Variants in LRFN5 observed in about 807,000 individuals in gnomAD.
LRFN5 encodes leucine rich repeat and fibronectin type III domain containing 5.
Under a neutral mutation model 45.6 loss-of-function variants are expected in LRFN5, and 24 were observed. The observed-to-expected ratio is 0.53, with a 90% confidence interval of 0.38 to 0.74. The LOEUF is 0.74. LRFN5 is among the 30% of genes least tolerant of loss of function. The probability of loss-of-function intolerance (pLI) is 0.00; values close to 1 mark genes in which losing one functional copy is unlikely to be tolerated. For synonymous variants in LRFN5, 340 were observed against 313.8 expected (o/e 1.08, Z -0.88); for missense variants, 776 against 861.5 (o/e 0.90, Z 1.24).
At chr14:41,875,056 G>T (rs55918411) in intron 2 of LRFN5, among the ~76,000 whole-genome samples, 26,095 of 152,174 alleles carry the variant, frequency 0.17, 2,754 homozygotes, top group Middle Eastern at 0.26. Flanking sequence ...ATTGAGATGA[G>T]ATTTGGGTGG....
chr14:41,820,898 G>T (rs1177517533), intron 2 of LRFN5, among the ~76,000 whole-genome samples: 3 of 151,978 alleles, frequency 2.0e-5, no homozygotes, highest in Non-Finnish European at 4.4e-5. Context: ...CAGAGTTATT[G>T]ATTTAGTTCT....
intron 2 of LRFN5, among the ~76,000 whole-genome samples, chr14:41,819,960 T>TTG (rs1555322873): frequency 6.0e-4 from 6 of 9,974 alleles, no homozygotes; most frequent in South Asian, 5.4e-3. Context: ...GGGTTATTTG[T>TTG]TTTTTTTTTT....
At chr14:41,734,672 G>A (rs966652098) in intron 1 of LRFN5, among the ~76,000 whole-genome samples, 2 of 151,322 alleles carry the variant, frequency 1.3e-5, no homozygotes, top group Admixed American at 1.3e-4. Flanking sequence ...CAAAGTAATT[G>A]CTGATGGGTA....
intron 1 of LRFN5, among the ~76,000 whole-genome samples, chr14:41,751,148 A>G (rs1330712425): frequency 1.1e-4 from 16 of 152,232 alleles, no homozygotes; most frequent in East Asian, 7.8e-4. Context: ...CCAATGATCA[A>G]TCACCTCCCA....
At chr14:41,713,928 A>G (rs1315523431) in intron 1 of LRFN5, among the ~76,000 whole-genome samples, 2 of 152,168 alleles carry the variant, frequency 1.3e-5, no homozygotes, top group Non-Finnish European at 1.5e-5. Flanking sequence ...TCATGCCTGT[A>G]TTTCTTGTAG....
intron 2 of LRFN5, among the ~76,000 whole-genome samples, chr14:41,773,470 T>C (rs1246401337): frequency 6.6e-6 from 1 of 152,162 alleles, no homozygotes; most frequent in African/African-American, 2.4e-5. Context: ...AAGATCAGAG[T>C]CTACATCAAT....
chr14:41,743,530 G>A (rs1267579820), intron 1 of LRFN5, among the ~76,000 whole-genome samples: 1 of 152,116 alleles, frequency 6.6e-6, no homozygotes, highest in Admixed American at 6.6e-5. Context: ...TAGAGATTGG[G>A]GAAGGATGAG....
At chr14:41,741,000 T>G (rs1158133016) in intron 1 of LRFN5, among the ~76,000 whole-genome samples, 1 of 149,842 alleles carries the variant, frequency 6.7e-6, no homozygotes, top group Non-Finnish European at 1.5e-5. Flanking sequence ...AAATTAAATA[T>G]TTAGGAATAC....
At chr14:41,695,953 T>G (rs1023620999) in intron 1 of LRFN5, among the ~76,000 whole-genome samples, 1 of 151,898 alleles carries the variant, frequency 6.6e-6, no homozygotes, top group African/African-American at 2.4e-5. Context: ...CTGGGCAAAG[T>G]AAATTAAAAA....
chr14:41,744,538 C>T (rs918580768), intron 1 of LRFN5, among the ~76,000 whole-genome samples: 2 of 152,036 alleles, frequency 1.3e-5, no homozygotes, highest in Non-Finnish European at 2.9e-5. Flanking sequence ...TCAGTAATCA[C>T]TTTAAGTGTA....
intron 2 of LRFN5, among the ~76,000 whole-genome samples, chr14:41,785,055 A>G (rs1886669547): frequency 6.6e-6 from 1 of 152,176 alleles, no homozygotes. Flanking sequence ...ATCTATTTCA[A>G]ATAATATGAA....
intron 1 of LRFN5, among the ~76,000 whole-genome samples, chr14:41,668,082 T>C (rs934234790): frequency 1.3e-5 from 2 of 152,174 alleles, no homozygotes; most frequent in Admixed American, 6.6e-5. Context: ...AGTATCTTGC[T>C]TGTTTGGTCA....
At chr14:41,886,411 A>T (rs1418888527) in intron 2 of LRFN5, among the ~76,000 whole-genome samples, 195 bp from the exon 3 acceptor site, 1 of 152,170 alleles carries the variant, frequency 6.6e-6, no homozygotes, top group African/African-American at 2.4e-5. Context: ...AAATCCCATG[A>T]AACTATCAAT....
chr14:41,731,221 T>G (rs1884161968), intron 1 of LRFN5: 1 of 152,170 alleles, frequency 6.6e-6, no homozygotes, highest in East Asian at 1.9e-4. Flanking sequence ...ATCTAAATCA[T>G]TTGGGTTTTT....
chr14:41,733,883 T>G (rs1884287637), intron 1 of LRFN5, among the ~76,000 whole-genome samples: 1 of 151,302 alleles, frequency 6.6e-6, no homozygotes, highest in Non-Finnish European at 1.5e-5. Flanking sequence ...AACTGCCCAG[T>G]GTTGCAAGTA....
At chr14:41,731,327 A>T (rs1249682141) in intron 1 of LRFN5, 3 of 152,004 alleles carry the variant, frequency 2.0e-5, no homozygotes, top group Non-Finnish European at 4.4e-5. Flanking sequence ...TTTGTCACAA[A>T]CTTAACCAGA....
intron 1 of LRFN5, among the ~76,000 whole-genome samples, chr14:41,746,530 A>G (rs1335475329): frequency 1.3e-5 from 2 of 151,998 alleles, no homozygotes; most frequent in African/African-American, 4.8e-5. Context: ...GGGTGAGATG[A>G]TATCTCATTG....
chr14:41,826,044 A>G (rs1451115896), intron 2 of LRFN5, among the ~76,000 whole-genome samples: 1 of 152,178 alleles, frequency 6.6e-6, no homozygotes, highest in Non-Finnish European at 1.5e-5. Context: ...ATTTAGTTCA[A>G]GTTGTGATGT....
In LRFN5 at chr14:41,740,912, C is replaced by G. The variant is rs185518159; in HGVS notation, c.-196-25942C>G. On this transcript the variant is annotated intron_variant, in intron 1 of 5. Transcript: ENST00000298119. Reference sequence around the variant, plus strand: ...TGAAAACAAAATTTAAAAAAGAGTACTATTTCTATAAACTAACAACAAACT... The same window carrying G: ...TGAAAACAAAATTTAAAAAAGAGTAGTATTTCTATAAACTAACAACAAACT... Among the ~76,000 whole-genome samples, 579 of 151,982 alleles carry G rather than the reference C, an allele frequency of 3.8e-3. 4 individuals are homozygous for G. Among genetic ancestry groups the G allele is most frequent in the African/African-American group, 0.013 (548 of 41,532 alleles).
Sources: allele counts gnomAD v4.1 joint callset (sites outside exome capture counted in the v4.1 genomes callset), GRCh38; gene constraint gnomAD v4.1.1; transcripts MANE v1.5; gene names NCBI Gene and HGNC (gene_info 2026-07-23, HGNC 2026-07-21).